Variants in AP1B1 observed in about 807,000 individuals in gnomAD.
AP1B1 encodes adaptor related protein complex 1 subunit beta 1.
AP1B1 carries 36 observed loss-of-function variants against 104.3 expected under a neutral mutation model. That is an observed-to-expected ratio of 0.35 (90% CI 0.26 to 0.46). The LOEUF is 0.46. Among genes scored for constraint, AP1B1 ranks in the 20% least tolerant of loss-of-function variants. The probability of loss-of-function intolerance (pLI) is 1.00; values close to 1 mark genes in which losing one functional copy is unlikely to be tolerated. For synonymous variants in AP1B1, 504 were observed against 517.5 expected (o/e 0.97, Z 0.35); for missense variants, 901 against 1,247.9 (o/e 0.72, Z 4.19).
intron 7 of AP1B1, among the ~76,000 whole-genome samples, chr22:29,354,079 G>A (rs1464914113): frequency 1.3e-5 from 2 of 152,156 alleles, no homozygotes; most frequent in South Asian, 4.1e-4. Flanking sequence ...CATTCTCATG[G>A]GAGGGAAGTG....
At chr22:29,353,317 G>A (rs2061905792) in intron 7 of AP1B1, among the ~76,000 whole-genome samples, 4 of 152,174 alleles carry the variant, frequency 2.6e-5, no homozygotes, top group Admixed American at 1.3e-4. Context: ...CCATGGGAGA[G>A]GCAAGACCCC....
chr22:29,351,922 G>A (rs1200732890), intron 7 of AP1B1, 97 bp from the exon 8 acceptor site: 15 of 1,493,822 alleles, frequency 1.0e-5, no homozygotes, highest in East Asian at 9.1e-5. Context: ...TGGGGTCTGA[G>A]GTGGAGCCTG....
chr22:29,342,151 G>T, intron 12 of AP1B1, 134 bp downstream of exon 12: 1 of 724,760 alleles, frequency 1.4e-6, no homozygotes, highest in Non-Finnish European at 2.2e-6. Flanking sequence ...TAACTCTGGG[G>T]CTGGAAGCCA....
chr22:29,363,843 C>T (rs116388887), intron 2 of AP1B1, among the ~76,000 whole-genome samples: 19 of 151,832 alleles, frequency 1.3e-4, no homozygotes, highest in African/African-American at 3.9e-4. Flanking sequence ...TTGCCGTGAG[C>T]CATGACACCA....
chr22:29,336,302 T>G (rs1047681883), intron 16 of AP1B1, among the ~76,000 whole-genome samples: 1 of 152,188 alleles, frequency 6.6e-6, no homozygotes, highest in African/African-American at 2.4e-5. Context: ...TGAGTGATTC[T>G]GAAGGGATAG....
At chr22:29,332,093 T>G (rs1213182239) in intron 17 of AP1B1, 177 bp from the exon 18 acceptor site, 1 of 603,086 alleles carries the variant, frequency 1.7e-6, no homozygotes, top group African/African-American at 1.9e-5. Flanking sequence ...CTCCCCCAGA[T>G]GGCCATCTGG....
chr22:29,357,877 G>A (rs779048313), intron 5 of AP1B1, among the ~76,000 whole-genome samples: 18 of 151,064 alleles, frequency 1.2e-4, no homozygotes, highest in Non-Finnish European at 2.1e-4. Flanking sequence ...GAGTAGAGAT[G>A]GGGTTTCACC....
intron 11 of AP1B1, among the ~76,000 whole-genome samples, chr22:29,347,615 GA>G (rs2061813002): frequency 6.6e-6 from 1 of 152,178 alleles, no homozygotes; most frequent in Non-Finnish European, 1.5e-5. Context: ...AGTTAACTGA[GA>G]AAAGGGAATA....
At chr22:29,367,517 C>T (rs2148022914) in intron 1 of AP1B1, among the ~76,000 whole-genome samples, 1 of 145,716 alleles carries the variant, frequency 6.9e-6, no homozygotes, top group Non-Finnish European at 1.5e-5. Flanking sequence ...CCAGGCTGGT[C>T]TCAAACTCCT....
At chr22:29,361,385 C>T (rs1020396712) in intron 3 of AP1B1, among the ~76,000 whole-genome samples, 13 of 152,178 alleles carry the variant, frequency 8.5e-5, no homozygotes, top group African/African-American at 2.4e-4. Context: ...CAGGGCTGGG[C>T]ACCACGAGGG....
chr22:29,349,940 G>A (rs2061848317), intron 10 of AP1B1, 95 bp downstream of exon 10: 2 of 973,434 alleles, frequency 2.1e-6, no homozygotes, highest in South Asian at 2.7e-5. Flanking sequence ...TGGCCAAGAA[G>A]TAAGGAAGAG....
chr22:29,368,909 G>C (rs950881904), intron 1 of AP1B1, among the ~76,000 whole-genome samples: 1 of 151,884 alleles, frequency 6.6e-6, no homozygotes, highest in Admixed American at 6.6e-5. Flanking sequence ...TGTGGTGACA[G>C]AGCAAGACTC....
At chr22:29,362,070 G>A (rs2062056507) in intron 3 of AP1B1, among the ~76,000 whole-genome samples, 1 of 152,274 alleles carries the variant, frequency 6.6e-6, no homozygotes, top group Admixed American at 6.5e-5. Flanking sequence ...AGGATTACAG[G>A]TGTGAGCCAC....
rs369442816 is a variant in AP1B1, at chr22:29,331,863, T to C, written c.2363A>G (p.Asn788Ser). 23 of 1,613,824 alleles carry C rather than the reference T, an allele frequency of 1.4e-5. No individual in the cohort carries two copies. Among genetic ancestry groups the C allele is most frequent in the South Asian group, 5.5e-5 (5 of 91,082 alleles). ...PLQVHAPLSP[N>S]QTVEISLPLS... ...AGGCAGGGAGATCTCCACTGTCTGG[T>C]TGGGGCTGAGTGGCGCGTGGACCTG... Residue 788 changes from asparagine to serine, a missense_variant, in exon 18 of 23, where the codon AAC (asparagine) becomes AGC (serine). Transcript: ENST00000357586.
Position 29,359,886 on chromosome 22 carries a change from A to C in AP1B1, c.217T>G (p.Leu73Val). Residue 73 changes from leucine to valine, a missense_variant, in exon 4 of 23, where the codon TTG becomes GTG. Physicochemically the swap from Leu to Val is conservative, Grantham distance 32. This residue lies in a region of AP1B1 where 471 missense variants were observed against 696.7 expected (regional missense o/e 0.68). Coordinates refer to ENST00000357586, the MANE Select transcript of AP1B1 (RefSeq NM_001127.4). ...LELKKLVYLY[L>V]MNYAKSQPDM... is the part of the protein sequence containing the mutation. ...GGCTGACTCTTGGCGTAATTCATCAAGTAGAGGTATACTAGCTTCTTCAGC... is the reference window on the plus strand; with the variant it reads ...GGCTGACTCTTGGCGTAATTCATCACGTAGAGGTATACTAGCTTCTTCAGC... The C allele has an allele frequency of 1.2e-6, 2 of 1,614,096 alleles. No homozygotes were observed. The highest frequency in any genetic ancestry group is 1.7e-6 in the Non-Finnish European group (2 of 1,179,992).
At chr22:29,375,313 G>A (rs1344838902) in intron 1 of AP1B1, among the ~76,000 whole-genome samples, 2 of 119,912 alleles carry the variant, frequency 1.7e-5, no homozygotes, top group Non-Finnish European at 3.2e-5. Flanking sequence ...CTGTGCCATT[G>A]CACTCCAGCC....
intron 22 of AP1B1, chr22:29,329,444 G>T: frequency 7.3e-7 from 1 of 1,365,038 alleles, no homozygotes; most frequent in Non-Finnish European, 9.4e-7. Flanking sequence ...TGGTTCTGCA[G>T]GGTGCAGTTA....
chr22:29,354,641 C>T lies in AP1B1; in HGVS notation c.938+9G>A. ...GTACGCATGGACGTGCGTGTGGTGA[C>T]CTCAGTACCTTTTCTGCACGATGAG... On this transcript the variant is annotated intron_variant, in intron 7 of 22. Transcript: ENST00000357586. 1.2e-6 allele frequency: 2 copies of T among 1,613,676 alleles called. No individual in the cohort carries two copies. The highest frequency in any genetic ancestry group is 1.1e-5 in the South Asian group (1 of 91,070).
rs765488163 is a variant in AP1B1 at position 29,349,367 on chromosome 22, C to T, written c.1288G>A (p.Ala430Thr). The change falls in exon 11 of 23, where the codon GCC becomes ACC. Residue 430 changes from alanine to threonine, a missense_variant. Ala to Thr is a moderately conservative substitution (Grantham distance 58). This residue lies in a region of AP1B1 where 471 missense variants were observed against 696.7 expected (regional missense o/e 0.68). Transcript: ENST00000357586. ...KYPNKYESVI[A>T]TLCENLDSLD... ...GAGTCCAGATTCTCACACAGTGTGG[C>T]AATCACACTCTCATACCTGGGAGAC... The T allele has an allele frequency of 6.2e-7, 1 of 1,613,868 alleles. No homozygotes were observed. The highest frequency in any genetic ancestry group is 1.7e-5 in the Admixed American group (1 of 60,022).
Sources: allele counts gnomAD v4.1 joint callset (sites outside exome capture counted in the v4.1 genomes callset), GRCh38; gene constraint gnomAD v4.1.1; regional missense constraint gnomAD v4.1.1; transcripts MANE v1.5; gene names NCBI Gene and HGNC (gene_info 2026-07-23, HGNC 2026-07-21).